The following MAF variants were observed in gnomAD, a reference collection of about 807,000 sequenced individuals.
The protein encoded by MAF is MAF bZIP transcription factor.
A neutral mutation model predicts 22.0 loss-of-function variants in MAF; 10 were observed. The observed-to-expected ratio is 0.45, with a 90% confidence interval of 0.28 to 0.77. MAF has a LOEUF of 0.77. Among genes scored for constraint, MAF ranks in the 30% least tolerant of loss-of-function variants. MAF has a pLI of 0.12. For synonymous variants in MAF, 337 were observed against 255.8 expected, an observed-to-expected ratio of 1.32 and a Z score of -3.03; for missense variants, 544 against 548.4, an observed-to-expected ratio of 0.99 and a Z score of 0.08.
the MAF span, among the ~76,000 whole-genome samples, chr16:79,569,688 A>G: frequency 6.6e-6 from 1 of 152,144 alleles, no homozygotes; most frequent in Non-Finnish European, 1.5e-5. Context: ...TCACCCAGGG[A>G]GCTTTGAAAA....
At chr16:79,380,603 G>A in the MAF span, among the ~76,000 whole-genome samples, 1 of 152,170 alleles carries the variant, frequency 6.6e-6, no homozygotes, top group Admixed American at 6.5e-5. Context: ...GGTTTGTGAT[G>A]CATGGATCTT....
At chr16:79,300,062 G>C in the MAF span, among the ~76,000 whole-genome samples, 6 of 152,280 alleles carry the variant, frequency 3.9e-5, no homozygotes, top group Non-Finnish European at 8.8e-5. Flanking sequence ...ACCCAGGATA[G>C]CTCATGGCTA....
chr16:79,566,825 C>T, the MAF span, among the ~76,000 whole-genome samples: 1 of 152,138 alleles, frequency 6.6e-6, no homozygotes, highest in Non-Finnish European at 1.5e-5. Flanking sequence ...GCCTTTGGAA[C>T]CCTGTGGTTT....
At chr16:79,231,510 G>A in the MAF span, among the ~76,000 whole-genome samples, 2 of 152,026 alleles carry the variant, frequency 1.3e-5, no homozygotes, top group African/African-American at 4.8e-5. Context: ...CTGGCTCATT[G>A]GATTCAAATG....
the MAF span, among the ~76,000 whole-genome samples, chr16:79,281,805 A>G: frequency 6.6e-6 from 1 of 152,032 alleles, no homozygotes; most frequent in South Asian, 2.1e-4. Context: ...TCAGCCTCCT[A>G]AAGTGCTCAT....
chr16:79,574,023 C>T, the MAF span, among the ~76,000 whole-genome samples: 1 of 152,204 alleles, frequency 6.6e-6, no homozygotes, highest in Non-Finnish European at 1.5e-5. Flanking sequence ...GAGACAGCTA[C>T]TATGTGCTAC....
At chr16:79,522,699 A>G in the MAF span, among the ~76,000 whole-genome samples, 1 of 152,350 alleles carries the variant, frequency 6.6e-6, no homozygotes, top group Admixed American at 6.5e-5. Flanking sequence ...AGAGAAGCCC[A>G]TGATTAAATA....
At chr16:79,348,230 C>G in the MAF span, among the ~76,000 whole-genome samples, 2 of 152,206 alleles carry the variant, frequency 1.3e-5, no homozygotes. Flanking sequence ...CTTTGGAGAG[C>G]CTTGAAGCTC....
At chr16:79,426,928 C>T in the MAF span, among the ~76,000 whole-genome samples, 19 of 152,306 alleles carry the variant, frequency 1.2e-4, no homozygotes, top group African/African-American at 4.1e-4. Flanking sequence ...ACAATTCTAA[C>T]GACATTCTTT....
At chr16:79,210,773 C>G in the MAF span, among the ~76,000 whole-genome samples, 1 of 152,120 alleles carries the variant, frequency 6.6e-6, no homozygotes, top group African/African-American at 2.4e-5. Flanking sequence ...TGACAGTATT[C>G]TGTCAGTTTG....
chr16:79,343,966 T>C, the MAF span, among the ~76,000 whole-genome samples: 3 of 152,322 alleles, frequency 2.0e-5, no homozygotes, highest in Non-Finnish European at 4.4e-5. Context: ...CTGAAAACTT[T>C]GAAATGTTCC....
chr16:79,581,879 T>C (rs1461707094), downstream of MAF, among the ~76,000 whole-genome samples: 1 of 152,228 alleles, frequency 6.6e-6, no homozygotes, highest in Non-Finnish European at 1.5e-5. Flanking sequence ...TTGTCTCTAT[T>C]GACAATACCT....
chr16:79,352,256 C>CT, the MAF span, among the ~76,000 whole-genome samples: 1 of 152,196 alleles, frequency 6.6e-6, no homozygotes, highest in Non-Finnish European at 1.5e-5. Context: ...CGGGGAGACT[C>CT]TTTTACCTGT....
the MAF span, among the ~76,000 whole-genome samples, chr16:79,345,903 G>C: frequency 6.7e-6 from 1 of 149,130 alleles, no homozygotes; most frequent in African/African-American, 2.5e-5. Context: ...TTTTTGCTTT[G>C]ATTAGCTATA....
At chr16:79,254,751 C>A in the MAF span, among the ~76,000 whole-genome samples, 186 of 152,224 alleles carry the variant, frequency 1.2e-3, 2 homozygotes, top group East Asian at 0.022. Context: ...CCAAACCATG[C>A]CCTTCCCTTT....
chr16:79,556,497 G>C, the MAF span, among the ~76,000 whole-genome samples: 2 of 152,206 alleles, frequency 1.3e-5, no homozygotes, highest in Non-Finnish European at 2.9e-5. Context: ...CCTGCAGAAG[G>C]AGACTGTAAG....
At chr16:79,504,860 T>C in the MAF span, among the ~76,000 whole-genome samples, 5,959 of 152,254 alleles carry the variant, frequency 0.039, 370 homozygotes, top group African/African-American at 0.13. Context: ...TACAAGACTA[T>C]GACTTGTATG....
the MAF span, among the ~76,000 whole-genome samples, chr16:79,437,408 G>T: frequency 6.6e-6 from 1 of 152,144 alleles, no homozygotes; most frequent in Non-Finnish European, 1.5e-5. Flanking sequence ...GTTTGAGATT[G>T]TACAGGTGTG....
chr16:79,542,309 C>T, the MAF span, among the ~76,000 whole-genome samples: 1 of 152,128 alleles, frequency 6.6e-6, no homozygotes, highest in Non-Finnish European at 1.5e-5. Context: ...GGTGGCCTCT[C>T]GCTAGCTAGG....
Sources: gnomAD v4.1 joint callset for allele counts (sites outside exome capture counted in the v4.1 genomes callset) on GRCh38, gnomAD v4.1.1 for gene constraint, MANE v1.5 for transcripts, NCBI Gene and HGNC (gene_info 2026-07-23, HGNC 2026-07-21) for gene names.